P4HTM: variants seen among roughly 807,000 people sequenced by gnomAD.
P4HTM encodes transmembrane prolyl 4-hydroxylase.
Under a neutral mutation model 55.3 loss-of-function variants are expected in P4HTM, and 33 were observed. That is an observed-to-expected ratio of 0.60 (90% CI 0.45 to 0.80). The LOEUF is 0.80. Ranked by LOEUF, P4HTM falls within the 30% of genes least tolerant of loss-of-function variation. P4HTM has a pLI of 0.00. For synonymous variants in P4HTM, 272 were observed against 286.4 expected (o/e 0.95, Z 0.51); for missense variants, 542 against 696.5 (o/e 0.78, Z 2.50).
In P4HTM at chr3:48,990,786, C is replaced by A; in HGVS notation, c.355-47C>A. On this transcript the variant is annotated intron_variant, in intron 1 of 8. Coordinates refer to ENST00000383729, the MANE Select transcript of P4HTM (RefSeq NM_177939.3). This position sits in a 1 kb window ranked among gnomAD's most constrained non-coding sequence, Gnocchi z 7.2. ...CCGGGGCGACTTGGCCCTTCTTGGG[C>A]AGCGCGGTCTGGCGCCCCAGCTGCC... 1 of 1,587,252 alleles carries A rather than the reference C, an allele frequency of 6.3e-7. No homozygotes were observed.
intron 8 of P4HTM, among the ~76,000 whole-genome samples, 177 bp from the exon 9 acceptor site, chr3:49,006,510 G>A (rs1166876441): frequency 6.6e-6 from 1 of 152,256 alleles, no homozygotes; most frequent in Non-Finnish European, 1.5e-5. Context: ...CAGAGGGCCA[G>A]TAGTGTTGAC....
chr3:49,005,780 C>T lies in P4HTM; in HGVS notation c.1077C>T (p.Tyr359=). Residue 359 remains tyrosine, a synonymous_variant, in exon 7 of 9, where the codon TAC becomes TAT. Transcript: ENST00000383729. The part of the protein sequence containing the change: ...ESVPFETSCR[Y]MTVLFYLNNV... ...CAGTGCCCCCCCTGCCTTACAGCTA[C>T]ATGACAGTGCTGTTTTATTTGAACA... The T allele has an allele frequency of 6.3e-7, 1 of 1,599,950 alleles. No homozygotes were observed. The highest frequency in any genetic ancestry group is 2.2e-5 in the East Asian group (1 of 44,714).
In P4HTM at chr3:49,002,455, C is replaced by T. The variant is rs371727289; in HGVS notation, c.628-45C>T. On this transcript the variant is annotated intron_variant, in intron 3 of 8. Coordinates refer to ENST00000383729, the MANE Select transcript of P4HTM (RefSeq NM_177939.3). This position sits in a 1 kb window ranked among gnomAD's most constrained non-coding sequence, Gnocchi z 4.4. ...CTGGGCCATCTGTTCTCTGCTGGCT[C>T]TCCATCACTGGGGTCACCCACTGAG... 1.5e-6 allele frequency: 2 copies of T among 1,376,404 alleles called. No individual in the cohort carries two copies. Among genetic ancestry groups the T allele is most frequent in the African/African-American group, 1.4e-5 (1 of 70,450 alleles). The allele number at this position is 1,376,404 out of a possible 1,614,324, so 85.3% of individuals were successfully genotyped here.
At position 48,990,920 on chromosome 3, in the gene P4HTM, T is replaced by A; in HGVS notation, c.436+6T>A. On this transcript the variant is annotated splice_donor_region_variant and intron_variant, in intron 2 of 8. Coordinates refer to ENST00000383729, the MANE Select transcript of P4HTM (RefSeq NM_177939.3). The surrounding 1 kb of genome is among the most constrained non-coding windows in gnomAD (Gnocchi z 7.2). ...CCTCAAGCCGCTGCTCTTCGGTAAG[T>A]CCGCCAGATACTCCTGGGAAGGGCC... The A allele has an allele frequency of 5.6e-6, 9 of 1,612,110 alleles. No homozygotes were observed. Among genetic ancestry groups the A allele is most frequent in the Non-Finnish European group, 7.6e-6 (9 of 1,178,468 alleles).
chr3:49,007,123 G>A lies in P4HTM; in HGVS notation c.*216G>A, dbSNP rs2092986525. 1 of 692,140 alleles carries A rather than the reference G, an allele frequency of 1.4e-6. No individual in the cohort carries two copies. The highest frequency in any genetic ancestry group is 1.8e-5 in the African/African-American group (1 of 55,686). The allele number at this position is 692,140 out of a possible 1,614,324, so 42.9% of individuals were successfully genotyped here. A position where few individuals can be genotyped will look rare whatever the true frequency, so the allele number is the denominator to read the frequency against. Reference sequence around the variant, plus strand: ...AAAAACCACAAGGTTCGAGCCGCCGGGCCCGACAAACTCCGGGTCGGCGAA... The same window carrying A: ...AAAAACCACAAGGTTCGAGCCGCCGAGCCCGACAAACTCCGGGTCGGCGAA... On this transcript the variant is annotated 3_prime_UTR_variant, in exon 9 of 9. Transcript: ENST00000383729. This position sits in a 1 kb window ranked among gnomAD's most constrained non-coding sequence, Gnocchi z 5.1.
chr3:49,002,520 G>A lies in P4HTM; in HGVS notation c.648G>A (p.Leu216=). 1 of 1,614,028 alleles carries A rather than the reference G, an allele frequency of 6.2e-7. No homozygotes were observed. Among genetic ancestry groups the A allele is most frequent in the East Asian group, 2.2e-5 (1 of 44,878 alleles). The stretch of plus-strand genomic sequence containing the variant: ...TTTAGGTTCTGGCCCAGACTCGCCT[G>A]GGAAATGGATGGTGGATGACTCCAG... ...QLREVLAQTR[L]GNGWWMTPES... Residue 216 remains leucine, a synonymous_variant, in exon 4 of 9, where the codon CTG becomes CTA. Transcript: ENST00000383729. The surrounding 1 kb of genome is among the most constrained non-coding windows in gnomAD (Gnocchi z 4.4).
Position 48,990,910 on chromosome 3 carries a change from C to T in P4HTM, c.432C>T (p.Leu144=). 1 of 1,613,404 alleles carries T rather than the reference C, an allele frequency of 6.2e-7. No individual in the cohort carries two copies. The highest frequency in any genetic ancestry group is 8.5e-7 in the Non-Finnish European group (1 of 1,179,506). ...GAACCCTCAGCCTCAAGCCGCTGCT[C>T]TTCGGTAAGTCCGCCAGATACTCCT... The part of the protein sequence containing the change: ...FIRTLSLKPL[L]FEIPGFLTDE... The change falls in exon 2 of 9, where the codon CTC becomes CTT. Residue 144 remains leucine (L), a synonymous_variant. Transcript: ENST00000383729. The surrounding 1 kb of genome is among the most constrained non-coding windows in gnomAD (Gnocchi z 7.2).
intron 8 of P4HTM, 109 bp from the exon 9 acceptor site, chr3:49,006,578 G>T: frequency 1.2e-6 from 1 of 850,206 alleles, no homozygotes. Context: ...CTGGGTGTTT[G>T]CTACACAAGG....
At position 49,005,039 on chromosome 3, in the gene P4HTM, T is replaced by A. The variant is rs1400493140; in HGVS notation, c.1066T>A (p.Ser356Thr). ...CAACGAGTCTGTACCCTTCGAGACC[T>A]CCTGCCGGCAAGTATCTCCCAACTG... ...VANESVPFETSCRYMTVLFYL... is the reference protein window; with the variant it reads ...VANESVPFETTCRYMTVLFYL... Residue 356 changes from serine to threonine, a missense_variant, in exon 6 of 9, where the codon TCC becomes ACC. Transcript: ENST00000383729. 1 of 1,613,988 alleles carries A rather than the reference T, an allele frequency of 6.2e-7. No individual in the cohort carries two copies. The highest frequency in any genetic ancestry group is 1.1e-5 in the South Asian group (1 of 91,086).
At chr3:49,000,386 C>CAAAAAATA (rs1222693419) in intron 2 of P4HTM, among the ~76,000 whole-genome samples, 1 of 151,730 alleles carries the variant, frequency 6.6e-6, no homozygotes, top group African/African-American at 2.4e-5. Context: ...TCCATCTCTA[C>CAAAAAATA]AAAAAATAAA....
rs1330940439 is a variant in P4HTM at position 49,005,741 on chromosome 3, A to T, written c.1074-36A>T. On this transcript the variant is annotated intron_variant, in intron 6 of 8. Transcript: ENST00000383729. ...AGGTAAGCCCCTGGGAGCATCCACA[A>T]CTGGGGACCTGCTCAGTGCCCCCCC... The T allele has an allele frequency of 1.9e-6, 3 of 1,567,130 alleles. No individual in the cohort carries two copies. The highest frequency in any genetic ancestry group is 2.6e-6 in the Non-Finnish European group (3 of 1,160,000).
chr3:48,992,822 C>T (rs1351464244), intron 2 of P4HTM, among the ~76,000 whole-genome samples: 1 of 151,376 alleles, frequency 6.6e-6, no homozygotes, highest in Non-Finnish European at 1.5e-5. Context: ...TGCGCCACCA[C>T]ATCCGGCTAA....
chr3:49,005,715 C>A, intron 6 of P4HTM, 62 bp from the exon 7 acceptor site: 1 of 1,523,196 alleles, frequency 6.6e-7, no homozygotes, highest in Non-Finnish European at 8.8e-7. Flanking sequence ...ATCCTGCCCA[C>A]AGGTAAGCCC....
Position 49,005,844 on chromosome 3 carries a change from G to A in P4HTM, c.1141G>A (p.Asp381Asn). 2 of 1,562,210 alleles carry A rather than the reference G, an allele frequency of 1.3e-6. No homozygotes were observed. The highest frequency in any genetic ancestry group is 1.7e-6 in the Non-Finnish European group (2 of 1,156,646). The change falls in exon 7 of 9, where the codon GAT becomes AAT. Residue 381 changes from aspartate to asparagine, a missense_variant. Coordinates refer to ENST00000383729, the MANE Select transcript of P4HTM (RefSeq NM_177939.3). ...GGGETVFPVA[D>N]NRTYDEMSLI... is the part of the protein sequence containing the mutation. ...GGGCGAGACTGTTTTCCCTGTAGCA[G>A]ATAACAGAACCTACGATGAAATGGT...
At chr3:48,995,778 G>A (rs937595777) in intron 2 of P4HTM, among the ~76,000 whole-genome samples, 7 of 152,230 alleles carry the variant, frequency 4.6e-5, no homozygotes, top group Admixed American at 3.9e-4. Context: ...CAGAGGCAGC[G>A]TTTCACCATG....
At chr3:49,003,836 G>C (rs764152227) in intron 4 of P4HTM, 3 of 436,640 alleles carry the variant, frequency 6.9e-6, no homozygotes, top group Non-Finnish European at 8.2e-6. Context: ...ACTCTAATAG[G>C]GGGTGGGCCT....
At position 49,002,637 on chromosome 3, in the gene P4HTM, C is replaced by G; in HGVS notation, c.724+41C>G. On this transcript the variant is annotated intron_variant, in intron 4 of 8. Transcript: ENST00000383729. This position sits in a 1 kb window ranked among gnomAD's most constrained non-coding sequence, Gnocchi z 4.4. ...TGCACAGTCCTATCCCCGTGAGCCT[C>G]CTGCCCACTCCCAGGTGCACAATTT... 6.9e-7 allele frequency: 1 copy of G among 1,454,388 alleles called. No individual in the cohort carries two copies. Among genetic ancestry groups the G allele is most frequent in the Non-Finnish European group, 9.7e-7 (1 of 1,034,012 alleles). 90.1% of individuals were successfully genotyped at this position (1,454,388 alleles called of 1,614,324 possible).
chr3:49,005,974 A>T (rs2092978428), intron 7 of P4HTM, 90 bp from the exon 8 acceptor site: 2 of 1,552,926 alleles, frequency 1.3e-6, no homozygotes, highest in Admixed American at 3.6e-5. Context: ...TTCCTTGGGC[A>T]TATCTGGTTG....
intron 3 of P4HTM, among the ~76,000 whole-genome samples, chr3:49,001,899 C>T (rs1219991736): frequency 3.3e-5 from 5 of 152,242 alleles, no homozygotes; most frequent in Admixed American, 3.3e-4. Flanking sequence ...GCCTGCATTC[C>T]TTGCTCTCAT....
Sources: allele counts gnomAD v4.1 joint callset (sites outside exome capture counted in the v4.1 genomes callset), GRCh38; gene constraint gnomAD v4.1.1; non-coding constraint Gnocchi (gnomAD v3.1); transcripts MANE v1.5; gene names NCBI Gene and HGNC (gene_info 2026-07-23, HGNC 2026-07-21).